GPHN: variants seen among roughly 807,000 people sequenced by gnomAD.
GPHN encodes the protein gephyrin.
GPHN carries 17 observed loss-of-function variants against 95.5 expected under a neutral mutation model. That is an observed-to-expected ratio of 0.18 (90% confidence interval 0.12 to 0.27). The LOEUF (loss-of-function observed/expected upper bound fraction) is 0.27. Ranked by LOEUF, GPHN falls within the 10% of genes least tolerant of loss-of-function variation. GPHN has a pLI of 1.00. For missense variants in GPHN, 660 were observed against 978.1 expected (o/e 0.67, Z 4.34); for synonymous variants, 320 against 322.5 (o/e 0.99, Z 0.08).
chr14:67,636,255 T>C, the GPHN span, among the ~76,000 whole-genome samples: 3 of 151,026 alleles, frequency 2.0e-5, no homozygotes, highest in Admixed American at 2.0e-4. Context: ...GATAGTCTTA[T>C]GCTGTCAAAA....
At chr14:66,624,588 A>G (rs1418320554) in intron 1 of GPHN, among the ~76,000 whole-genome samples, 3 of 152,212 alleles carry the variant, frequency 2.0e-5, no homozygotes, top group Admixed American at 1.3e-4. Flanking sequence ...ATCCAGCACA[A>G]TGGGCTGAAT....
At chr14:67,415,794 G>C in the GPHN span, among the ~76,000 whole-genome samples, 1 of 152,210 alleles carries the variant, frequency 6.6e-6, no homozygotes, top group Non-Finnish European at 1.5e-5. Context: ...ATACTATGCA[G>C]CCAAAAACAG....
At chr14:67,324,439 A>G in the GPHN span, among the ~76,000 whole-genome samples, 16 of 152,192 alleles carry the variant, frequency 1.1e-4, no homozygotes, top group African/African-American at 3.6e-4. Flanking sequence ...TTTTTGCTCC[A>G]TATTTATTAA....
chr14:67,029,926 T>A lies in GPHN; in HGVS notation c.1006+6251T>A, dbSNP rs527281595. Among the ~76,000 whole-genome samples the A allele has an allele frequency of 5.9e-5, 9 of 152,100 alleles. No homozygotes were observed. The South Asian group carries it at 1.9e-3, about 32-fold the overall frequency. Reference sequence around the variant, plus strand: ...TGAAGTAATTATCTTTCTTGGCACTTCTGTCTCCTAGTGTTCCTTTTAAAC... The same window carrying A: ...TGAAGTAATTATCTTTCTTGGCACTACTGTCTCCTAGTGTTCCTTTTAAAC... On this transcript the variant is annotated intron_variant, in intron 10 of 22. Transcript: ENST00000478722.
chr14:66,916,162 C>A, intron 6 of GPHN, 93 bp downstream of exon 6: 1 of 777,000 alleles, frequency 1.3e-6, no homozygotes, highest in Non-Finnish European at 2.3e-6. Flanking sequence ...CTCCACAAGA[C>A]TGCCCTCACA....
chr14:67,517,037 G>T, the GPHN span, among the ~76,000 whole-genome samples: 4 of 152,136 alleles, frequency 2.6e-5, no homozygotes, highest in Non-Finnish European at 5.9e-5. Flanking sequence ...AGGAAAACTT[G>T]TTTTTTTGCT....
the GPHN span, among the ~76,000 whole-genome samples, chr14:67,644,660 G>C: frequency 2.0e-5 from 3 of 152,152 alleles, no homozygotes; most frequent in African/African-American, 7.2e-5. Flanking sequence ...AATGTAAGCA[G>C]AGCCCAAGGA....
the GPHN span, among the ~76,000 whole-genome samples, chr14:67,427,874 C>T: frequency 4.0e-5 from 6 of 151,852 alleles, no homozygotes; most frequent in Admixed American, 6.5e-5. Context: ...AAAAGCCTCT[C>T]GCACACATTT....
chr14:67,516,399 G>T, the GPHN span, among the ~76,000 whole-genome samples: 4 of 54,718 alleles, frequency 7.3e-5, no homozygotes, highest in East Asian at 2.2e-3. Context: ...TAGCTGGAGA[G>T]GGGGGGAAAT....
chr14:67,039,321 C>G (rs2074582800), intron 10 of GPHN, among the ~76,000 whole-genome samples: 1 of 152,136 alleles, frequency 6.6e-6, no homozygotes, highest in Non-Finnish European at 1.5e-5. Flanking sequence ...CCTGTAAAGC[C>G]TTATAGTTTG....
the GPHN span, among the ~76,000 whole-genome samples, chr14:67,644,134 G>C: frequency 6.6e-6 from 1 of 152,178 alleles, no homozygotes; most frequent in African/African-American, 2.4e-5. Context: ...CTGCTTACCA[G>C]CTCAATGTTA....
At chr14:67,338,315 G>A in the GPHN span, 2 of 216,448 alleles carry the variant, frequency 9.2e-6, no homozygotes, top group Non-Finnish European at 1.8e-5. Flanking sequence ...CTTCCTAAGA[G>A]GTATTTCCTA....
the GPHN span, chr14:67,615,719 TC>T: frequency 2.0e-6 from 1 of 495,450 alleles, no homozygotes; most frequent in Non-Finnish European, 3.9e-6. Context: ...AAAACATATA[TC>T]CCTCCTAAAG....
chr14:67,190,729 A>G, the GPHN span, among the ~76,000 whole-genome samples: 5 of 152,222 alleles, frequency 3.3e-5, no homozygotes, highest in Non-Finnish European at 7.3e-5. Context: ...AGAAGCCACA[A>G]CAGTTAGACT....
chr14:66,647,915 A>G (rs2064841518), intron 1 of GPHN, among the ~76,000 whole-genome samples: 1 of 152,226 alleles, frequency 6.6e-6, no homozygotes, highest in African/African-American at 2.4e-5. Flanking sequence ...TCAGCTTGCA[A>G]ATTCAAAGGA....
chr14:66,763,898 C>T (rs1004933225), intron 2 of GPHN, among the ~76,000 whole-genome samples: 2 of 151,992 alleles, frequency 1.3e-5, no homozygotes, highest in Non-Finnish European at 2.9e-5. Context: ...AAGCACAAAC[C>T]CTATTGTGAA....
intron 5 of GPHN, among the ~76,000 whole-genome samples, chr14:66,904,706 G>A (rs1043172525): frequency 1.3e-5 from 2 of 152,112 alleles, no homozygotes; most frequent in African/African-American, 2.4e-5. Context: ...GGCACAGAAG[G>A]GGCCCTACAG....
the GPHN span, among the ~76,000 whole-genome samples, chr14:67,532,337 A>G: frequency 6.6e-6 from 1 of 152,238 alleles, no homozygotes; most frequent in Non-Finnish European, 1.5e-5. Context: ...CTTCACTGAC[A>G]GAGAGCCTGC....
intron 5 of GPHN, among the ~76,000 whole-genome samples, chr14:66,886,096 A>T (rs1465824866): frequency 6.6e-6 from 1 of 152,216 alleles, no homozygotes; most frequent in Non-Finnish European, 1.5e-5. Context: ...TAATGCCAAG[A>T]TAATGATGTG....
Sources: allele counts gnomAD v4.1 joint callset (sites outside exome capture counted in the v4.1 genomes callset), GRCh38; gene constraint gnomAD v4.1.1; transcripts MANE v1.5; gene names NCBI Gene and HGNC (gene_info 2026-07-23, HGNC 2026-07-21).